TUSC3: variants seen among roughly 807,000 people sequenced by gnomAD.
The protein encoded by TUSC3 is tumor suppressor candidate 3.
Under a neutral mutation model 44.8 loss-of-function variants are expected in TUSC3, and 45 were observed. The ratio of observed to expected loss-of-function variants is 1.00; its 90% confidence interval spans 0.79 to 1.29. The LOEUF is 1.29. Among genes scored for constraint, TUSC3 ranks in the 50% most tolerant of loss-of-function variants. The pLI, the probability that TUSC3 is intolerant of heterozygous loss-of-function variation, is 0.00. For missense variants in TUSC3, 519 were observed against 437.9 expected (o/e 1.19, Z -1.65); for synonymous variants, 212 against 152.9 (o/e 1.39, Z -2.85).
intron 6 of TUSC3, among the ~76,000 whole-genome samples, chr8:15,697,594 T>A (rs1449477794): frequency 6.6e-6 from 1 of 152,156 alleles, no homozygotes; most frequent in Non-Finnish European, 1.5e-5. Context: ...TTTATAATCC[T>A]CTCTATAAGG....
At chr8:15,788,564 A>AG in the TUSC3 span, among the ~76,000 whole-genome samples, 6 of 151,036 alleles carry the variant, frequency 4.0e-5, no homozygotes, top group African/African-American at 1.5e-4. Context: ...AAAAAAAAAA[A>AG]GGAAGTTAAA....
In TUSC3 at chr8:15,724,746, C is replaced by G. The variant is rs189073590; in HGVS notation, c.799-5920C>G. Among the ~76,000 whole-genome samples the G allele has an allele frequency of 1.8e-4, 27 of 152,172 alleles. No individual in the cohort carries two copies. The East Asian group carries it at 3.7e-3, about 21-fold the overall frequency. On this transcript the variant is annotated intron_variant, in intron 6 of 10. Coordinates refer to ENST00000503731, the MANE Select transcript of TUSC3 (RefSeq NM_006765.4). Reference sequence around the variant, plus strand: ...CAGGCTGAAAGGATTTACACTAGTACTTTTTCATGATGTTTTCAAGGAGGG... The same window carrying G: ...CAGGCTGAAAGGATTTACACTAGTAGTTTTTCATGATGTTTTCAAGGAGGG...
chr8:15,748,804 T>C, intron 9 of TUSC3: 1 of 504,836 alleles, frequency 2.0e-6, no homozygotes, highest in Non-Finnish European at 3.9e-6. Flanking sequence ...TTTTCTCATA[T>C]AATTCACTGT....
At chr8:15,745,799 C>T (rs1811390195) in intron 8 of TUSC3, among the ~76,000 whole-genome samples, 5 of 151,972 alleles carry the variant, frequency 3.3e-5, no homozygotes, top group Admixed American at 3.3e-4. Flanking sequence ...ATCAGTCCCA[C>T]TTGCCAGTTT....
Position 15,743,416 on chromosome 8 carries a change from G to C in TUSC3, c.863-122G>C, listed in dbSNP as rs537429978. ...AATTTTATGTTATATAAAGGTAATT[G>C]ATTGTATTTACCTCTGTGTGCATTT... On this transcript the variant is annotated intron_variant, in intron 7 of 10. Coordinates refer to ENST00000503731, the MANE Select transcript of TUSC3 (RefSeq NM_006765.4). The C allele has an allele frequency of 2.9e-3, 2,795 of 952,714 alleles. 14 individuals are homozygous for C. The highest frequency in any genetic ancestry group is 4.1e-3 in the Non-Finnish European group (2,410 of 586,552). 59.0% of individuals were successfully genotyped at this position (952,714 alleles called of 1,614,324 possible).
At chr8:15,694,785 C>T (rs1809086619) in intron 6 of TUSC3, among the ~76,000 whole-genome samples, 1 of 152,154 alleles carries the variant, frequency 6.6e-6, no homozygotes, top group South Asian at 2.1e-4. Context: ...CTGGTCCCTC[C>T]TGATTACTGG....
chr8:15,835,234 C>T, the TUSC3 span, among the ~76,000 whole-genome samples: 4,315 of 152,058 alleles, frequency 0.028, 208 homozygotes, highest in African/African-American at 0.098. Context: ...AACTTATTTA[C>T]GTAGAGTTGA....
Position 15,540,295 on chromosome 8 carries a change from G to C in TUSC3, c.-136G>C, listed in dbSNP as rs561030297. The C allele has an allele frequency of 1.2e-4, 153 of 1,249,038 alleles. 3 individuals are homozygous for C. In the South Asian group the frequency reaches 2.2e-3, roughly 18 times the overall value. The allele number at this position is 1,249,038 out of a possible 1,614,324, so 77.4% of individuals were successfully genotyped here. ...TCCTCTGCGTCCTCGGCCGCGGCCC[G>C]GGTCCCTCGCAAAGCCGCTGCCATC... On this transcript the variant is annotated 5_prime_UTR_variant, in exon 1 of 11. Coordinates refer to ENST00000503731, the MANE Select transcript of TUSC3 (RefSeq NM_006765.4).
At chr8:15,772,362 C>T in the TUSC3 span, among the ~76,000 whole-genome samples, 1 of 152,090 alleles carries the variant, frequency 6.6e-6, no homozygotes. Flanking sequence ...TTAATACCCA[C>T]CTTGCGGAAA....
chr8:15,540,696 G>T, intron 1 of TUSC3, 128 bp downstream of exon 1: 1 of 1,301,146 alleles, frequency 7.7e-7, no homozygotes, highest in East Asian at 2.8e-5. Flanking sequence ...CGCTGGGGCG[G>T]GAGCCGCGAG....
chr8:15,487,184 T>C (rs1563264086), intron 2 of TUSC3, among the ~76,000 whole-genome samples: 2 of 152,232 alleles, frequency 1.3e-5, no homozygotes, highest in African/African-American at 4.8e-5. Context: ...TCTTTATATT[T>C]TTCTTCTTTC....
chr8:15,432,119 T>TC (rs1398713739), intron 1 of TUSC3, among the ~76,000 whole-genome samples: 2 of 151,962 alleles, frequency 1.3e-5, no homozygotes, highest in Admixed American at 6.6e-5. Context: ...GTAAAACTGG[T>TC]CTCATAAAAT....
intron 2 of TUSC3, among the ~76,000 whole-genome samples, chr8:15,524,417 G>C (rs1801345569): frequency 6.6e-6 from 1 of 152,062 alleles, no homozygotes; most frequent in East Asian, 1.9e-4. Context: ...TTTGAGTTTG[G>C]AATAGTGTGA....
intron 6 of TUSC3, among the ~76,000 whole-genome samples, chr8:15,717,587 C>G (rs1585261914): frequency 6.6e-6 from 1 of 152,034 alleles, no homozygotes; most frequent in Non-Finnish European, 1.5e-5. Flanking sequence ...ACGTACTTAT[C>G]TCAATATAAT....
chr8:15,698,727 A>G (rs947154309), intron 6 of TUSC3, among the ~76,000 whole-genome samples: 1 of 152,132 alleles, frequency 6.6e-6, no homozygotes, highest in Non-Finnish European at 1.5e-5. Context: ...TACATATTTG[A>G]CTTTGATACA....
chr8:15,798,493 G>C, the TUSC3 span, among the ~76,000 whole-genome samples: 2 of 152,106 alleles, frequency 1.3e-5, no homozygotes, highest in Non-Finnish European at 2.9e-5. Context: ...GCTGAGATCG[G>C]GGTAGAGAAA....
intron 1 of TUSC3, among the ~76,000 whole-genome samples, chr8:15,611,184 T>C (rs1804745114): frequency 6.6e-6 from 1 of 152,156 alleles, no homozygotes; most frequent in Non-Finnish European, 1.5e-5. Flanking sequence ...ACTTTTTTGT[T>C]GTTGCTGTTG....
At chr8:15,564,142 T>C (rs1802580504) in intron 1 of TUSC3, among the ~76,000 whole-genome samples, 1 of 152,134 alleles carries the variant, frequency 6.6e-6, no homozygotes, top group African/African-American at 2.4e-5. Flanking sequence ...TTAGTTTAGA[T>C]TTTTTTTCTA....
the TUSC3 span, among the ~76,000 whole-genome samples, chr8:15,825,486 C>G: frequency 1.3e-5 from 2 of 152,074 alleles, no homozygotes; most frequent in Non-Finnish European, 2.9e-5. Context: ...ATTCAATTAC[C>G]TCCCACCAGG....
Sources: allele counts gnomAD v4.1 joint callset (sites outside exome capture counted in the v4.1 genomes callset), GRCh38; gene constraint gnomAD v4.1.1; transcripts MANE v1.5; gene names NCBI Gene and HGNC (gene_info 2026-07-23, HGNC 2026-07-21).